The following ACACA variants were observed in gnomAD, a reference collection of about 807,000 sequenced individuals.
The protein encoded by ACACA is acetyl-CoA carboxylase 1.
In ACACA, 103 loss-of-function variants were observed where a neutral mutation model predicts 296.1. The observed-to-expected ratio is 0.35, with a 90% confidence interval of 0.30 to 0.41. The LOEUF is 0.41. Ranked by LOEUF, ACACA falls within the 10% of genes least tolerant of loss-of-function variation. ACACA has a pLI of 1.00. For missense variants in ACACA, 1,554 were observed against 2,989.7 expected, an observed-to-expected ratio of 0.52 and a Z score of 11.20; for synonymous variants, 953 against 1,038.6, an observed-to-expected ratio of 0.92 and a Z score of 1.58.
intron 37 of ACACA, 69 bp downstream of exon 37, chr17:37,192,021 A>C: frequency 6.7e-7 from 1 of 1,491,932 alleles, no homozygotes; most frequent in African/African-American, 1.4e-5. Flanking sequence ...ATAATACCTA[A>C]TTTTGAATCA....
rs112181268 is a variant in ACACA, at chr17:37,378,002, A to T, written c.38+28260T>A. 4.5e-4 allele frequency: 709 copies of T among 1,577,460 alleles called. No homozygotes were observed. The African/African-American group carries it at 8.3e-3, about 19-fold the overall frequency. Reference sequence around the variant, plus strand: ...GTCCTTTCTGGAAAATGATATTGCCATTCCAAAAAATTTTTACCTTTAAAA... The same window carrying T: ...GTCCTTTCTGGAAAATGATATTGCCTTTCCAAAAAATTTTTACCTTTAAAA... On this transcript the variant is annotated intron_variant, in intron 1 of 55. Transcript: ENST00000616317.
chr17:37,124,570 C>G (rs1446825775), intron 48 of ACACA, among the ~76,000 whole-genome samples: 2 of 152,182 alleles, frequency 1.3e-5, no homozygotes, highest in African/African-American at 4.8e-5. Context: ...TCAGGGTTCT[C>G]GCTCCAGTGT....
At chr17:37,173,866 T>A (rs2076965783) in intron 41 of ACACA, among the ~76,000 whole-genome samples, 2 of 145,252 alleles carry the variant, frequency 1.4e-5, no homozygotes, top group Non-Finnish European at 3.0e-5. Context: ...CAGGCTGGAG[T>A]GCAGTCGTGC....
intron 5 of ACACA, 150 bp from the exon 6 acceptor site, chr17:37,278,155 G>A (rs907790320): frequency 4.3e-6 from 3 of 695,044 alleles, no homozygotes; most frequent in African/African-American, 1.8e-5. Context: ...CATTTAGTTC[G>A]AGGCTCTTAG....
chr17:37,374,190 C>T (rs1162712763), intron 1 of ACACA, among the ~76,000 whole-genome samples: 1 of 152,016 alleles, frequency 6.6e-6, no homozygotes, highest in Non-Finnish European at 1.5e-5. Context: ...GAGACTGTGT[C>T]TCTACAAAAC....
chr17:37,398,365 C>T (rs1264121304), intron 1 of ACACA, among the ~76,000 whole-genome samples: 6 of 136,536 alleles, frequency 4.4e-5, no homozygotes, highest in Admixed American at 3.9e-4. Context: ...CAGCTCACTG[C>T]AATCTCCGCC....
intron 1 of ACACA, among the ~76,000 whole-genome samples, chr17:37,405,714 G>A (rs1350778679): frequency 2.6e-5 from 4 of 151,840 alleles, no homozygotes; most frequent in Admixed American, 1.3e-4. Flanking sequence ...CACCACACCC[G>A]CGTAATTTTT....
At position 37,130,201 on chromosome 17, in the gene ACACA, C is replaced by G. The variant is rs760415282; in HGVS notation, c.5697G>C (p.Val1899=). The G allele has an allele frequency of 3.8e-5, 62 of 1,614,050 alleles. No individual in the cohort carries two copies. Among genetic ancestry groups the G allele is most frequent in the Non-Finnish European group, 4.8e-5 (57 of 1,180,032 alleles). ...GALNKVLGRE[V]YTSNNQLGGI... ...CCCCCAGCTGGTTATTGGAGGTGTA[C>G]ACTTCCCGCCCGAGGACCTAGAGAA... The change falls in exon 46 of 56, where the codon GTG becomes GTC. Residue 1899 remains valine (V), a synonymous_variant. Coordinates refer to ENST00000616317, the MANE Select transcript of ACACA (RefSeq NM_198834.3).
chr17:37,187,586 TTC>T (rs987774521), intron 39 of ACACA, among the ~76,000 whole-genome samples: 1 of 152,226 alleles, frequency 6.6e-6, no homozygotes, highest in African/African-American at 2.4e-5. Flanking sequence ...TAAAAGGGAA[TTC>T]TCTGTTTCAC....
intron 54 of ACACA, among the ~76,000 whole-genome samples, chr17:37,090,085 T>A (rs769772069): frequency 6.6e-6 from 1 of 152,186 alleles, no homozygotes; most frequent in Non-Finnish European, 1.5e-5. Context: ...TTAGGGACTC[T>A]GAGGCTTTGA....
intron 52 of ACACA, among the ~76,000 whole-genome samples, chr17:37,105,595 T>G (rs1170137246): frequency 6.6e-6 from 1 of 152,154 alleles, no homozygotes; most frequent in Non-Finnish European, 1.5e-5. Context: ...CCAGGCACGG[T>G]GGCTCATGCC....
At chr17:37,125,944 C>T (rs2074762979) in intron 47 of ACACA, 150 bp from the exon 48 acceptor site, 2 of 708,126 alleles carry the variant, frequency 2.8e-6, no homozygotes, top group African/African-American at 3.5e-5. Flanking sequence ...CATTAGGCAG[C>T]TGAATGTTCA....
chr17:37,313,917 A>G (rs2046963908), intron 3 of ACACA, among the ~76,000 whole-genome samples: 1 of 152,182 alleles, frequency 6.6e-6, no homozygotes. Context: ...TGTTTATTAC[A>G]GCACTATTCA....
At chr17:37,305,188 T>C (rs138145823) in intron 3 of ACACA, among the ~76,000 whole-genome samples, 3 of 152,334 alleles carry the variant, frequency 2.0e-5, no homozygotes, top group African/African-American at 4.8e-5. Flanking sequence ...AAATTATGCA[T>C]ATGAACAATT....
chr17:37,376,780 C>A (rs1333763157), intron 1 of ACACA, among the ~76,000 whole-genome samples: 1 of 152,048 alleles, frequency 6.6e-6, no homozygotes, highest in Non-Finnish European at 1.5e-5. Flanking sequence ...CATGGCGAAA[C>A]CCCATCTCTA....
intron 3 of ACACA, chr17:37,299,302 T>C (rs749362510): frequency 2.5e-6 from 4 of 1,614,056 alleles, no homozygotes; most frequent in Non-Finnish European, 3.4e-6. Context: ...TAATATCTCA[T>C]TTCCTTATTT....
chr17:37,268,735 ATCTATC>A (rs1220455982), intron 10 of ACACA, among the ~76,000 whole-genome samples: 1,392 of 73,262 alleles, frequency 0.019, 25 homozygotes, highest in African/African-American at 0.072. Flanking sequence ...CTATCTATCT[ATCTATC>A]TATATATATA....
rs1467829610 is a variant in ACACA at position 37,248,694 on chromosome 17, G to A, written c.2082-20C>T. The A allele has an allele frequency of 6.5e-7, 1 of 1,530,462 alleles. No individual in the cohort carries two copies. The highest frequency in any genetic ancestry group is 1.7e-5 in the Admixed American group (1 of 59,736). The allele number at this position is 1,530,462 out of a possible 1,614,324, so 94.8% of individuals were successfully genotyped here. A position where few individuals can be genotyped will look rare whatever the true frequency, so the allele number is the denominator to read the frequency against. ...TGACCCCTGAAAGAACGATGAGAGA[G>A]GAACTTACTACAAAGTTCTAACAGT... On this transcript the variant is annotated intron_variant, in intron 16 of 55. Transcript: ENST00000616317.
In ACACA at chr17:37,224,966, TTATATATATA is replaced by T; in HGVS notation, c.3474+16_3474+25del. 19 of 911,134 alleles carry T rather than the reference TTATATATATA, an allele frequency of 2.1e-5. No individual in the cohort carries two copies. Among genetic ancestry groups the T allele is most frequent in the Admixed American group, 9.8e-5 (4 of 40,788 alleles). 56.4% of individuals were successfully genotyped at this position (911,134 alleles called of 1,614,324 possible). A position where few individuals can be genotyped will look rare whatever the true frequency, so the allele number is the denominator to read the frequency against. ...AAGAGTCCAGATAGGCAGGAAAGGG[TTATATATATA>T]TATATATATATATACCTGCAGGTTC... On this transcript the variant is annotated intron_variant, in intron 27 of 55. Transcript: ENST00000616317.
Sources: gnomAD v4.1 joint callset for allele counts (sites outside exome capture counted in the v4.1 genomes callset) on GRCh38, gnomAD v4.1.1 for gene constraint, MANE v1.5 for transcripts, NCBI Gene and HGNC (gene_info 2026-07-23, HGNC 2026-07-21) for gene names.